The following SMOC1 variants were observed in gnomAD, a reference collection of about 807,000 sequenced individuals.
SMOC1 encodes the protein SPARC-related modular calcium-binding protein 1.
In SMOC1, 22 loss-of-function variants were observed where a neutral mutation model predicts 56.3. That is an observed-to-expected ratio of 0.39 (90% CI 0.28 to 0.56). SMOC1 has a LOEUF of 0.56. SMOC1 is among the 20% of genes least tolerant of loss of function. The pLI is 0.61. For synonymous variants in SMOC1, 193 were observed against 215.0 expected (o/e 0.90, Z 0.89); for missense variants, 509 against 565.4 (o/e 0.90, Z 1.01).
At chr14:70,008,010 A>G (rs1192297590) in intron 7 of SMOC1, among the ~76,000 whole-genome samples, 2 of 152,226 alleles carry the variant, frequency 1.3e-5, no homozygotes, top group Non-Finnish European at 1.5e-5. Context: ...GTAGTAAATC[A>G]ATAATAAAAA....
intron 1 of SMOC1, among the ~76,000 whole-genome samples, chr14:69,896,313 C>T (rs565833661): frequency 9.9e-5 from 15 of 152,166 alleles, no homozygotes; most frequent in African/African-American, 3.6e-4. Context: ...TCAAAGAGAC[C>T]TGAGATTAGG....
At chr14:70,000,466 A>T (rs531886622) in intron 7 of SMOC1, among the ~76,000 whole-genome samples, 1 of 152,374 alleles carries the variant, frequency 6.6e-6, no homozygotes, top group South Asian at 2.1e-4. Context: ...TGTCATTGCA[A>T]AGATACTGTG....
At chr14:69,940,245 C>G (rs546796443) in intron 1 of SMOC1, among the ~76,000 whole-genome samples, 2 of 152,290 alleles carry the variant, frequency 1.3e-5, no homozygotes, top group Non-Finnish European at 2.9e-5. Flanking sequence ...CCCTCAGTCC[C>G]CTAGTGGTAA....
intron 5 of SMOC1, among the ~76,000 whole-genome samples, chr14:69,982,962 C>T (rs1884233246): frequency 6.6e-6 from 1 of 152,224 alleles, no homozygotes; most frequent in African/African-American, 2.4e-5. Context: ...GTTCTCCGAG[C>T]CGCCTCCACC....
At chr14:69,891,370 A>G (rs1411753775) in intron 1 of SMOC1, among the ~76,000 whole-genome samples, 2 of 152,246 alleles carry the variant, frequency 1.3e-5, no homozygotes, top group Non-Finnish European at 2.9e-5. Flanking sequence ...ATTAAGGAAT[A>G]CATTATACAT....
intron 5 of SMOC1, among the ~76,000 whole-genome samples, chr14:69,980,410 C>G (rs750219609): frequency 6.6e-6 from 1 of 152,174 alleles, no homozygotes; most frequent in Non-Finnish European, 1.5e-5. Flanking sequence ...TCATTCTCCC[C>G]TGGAGTCTTA....
intron 1 of SMOC1, among the ~76,000 whole-genome samples, chr14:69,929,030 G>T (rs1885092288): frequency 6.6e-6 from 1 of 152,306 alleles, no homozygotes; most frequent in Non-Finnish European, 1.5e-5. Context: ...CCTCAGGAAG[G>T]TCTCTTCCAG....
chr14:69,950,126 G>A (rs1882938951), intron 1 of SMOC1, among the ~76,000 whole-genome samples: 1 of 152,226 alleles, frequency 6.6e-6, no homozygotes, highest in Non-Finnish European at 1.5e-5. Context: ...GAGTGCGTGG[G>A]AGCCCAAGGT....
chr14:69,952,297 T>A lies in SMOC1; in HGVS notation c.259T>A (p.Cys87Ser). The change falls in exon 2 of 12, where the codon TGC becomes AGC. Residue 87 changes from cysteine to serine, a missense_variant. Physicochemically the swap from Cys to Ser is moderately radical, Grantham distance 112. This residue lies in a region of SMOC1 where 315 missense variants were observed against 333.1 expected (regional missense o/e 0.95). Transcript: ENST00000361956. ...CCTGGGCGTGGTGCATCGAGGTAGA[T>A]GCAAAGGTGAGTGTGTGCACCCCTG... ...PTLGVVHRGR[C>S]KDAGQSKCRL... 1 of 1,614,098 alleles carries A rather than the reference T, an allele frequency of 6.2e-7. No homozygotes were observed.
intron 1 of SMOC1, among the ~76,000 whole-genome samples, chr14:69,947,776 A>G (rs907037576): frequency 1.3e-5 from 2 of 152,218 alleles, no homozygotes; most frequent in African/African-American, 4.8e-5. Context: ...TTGATTTCCC[A>G]GTTGCACTAG....
chr14:70,019,632 C>T (rs1045846474), intron 10 of SMOC1, among the ~76,000 whole-genome samples: 3 of 152,110 alleles, frequency 2.0e-5, no homozygotes, highest in African/African-American at 4.8e-5. Flanking sequence ...GGGGAAGGGG[C>T]AAGGCTTTGG....
At chr14:69,886,802 G>A (rs1415443217) in intron 1 of SMOC1, among the ~76,000 whole-genome samples, 2 of 152,198 alleles carry the variant, frequency 1.3e-5, no homozygotes, top group African/African-American at 2.4e-5. Context: ...AAGTGCTACT[G>A]AAGTGTTAGG....
At chr14:69,983,982 A>T (rs1472389718) in intron 5 of SMOC1, among the ~76,000 whole-genome samples, 1 of 152,252 alleles carries the variant, frequency 6.6e-6, no homozygotes, top group Non-Finnish European at 1.5e-5. Flanking sequence ...GATTATTCTC[A>T]AGTTTCTTCG....
At chr14:69,960,598 A>G (rs1031105929) in intron 3 of SMOC1, among the ~76,000 whole-genome samples, 2 of 151,948 alleles carry the variant, frequency 1.3e-5, no homozygotes, top group East Asian at 1.9e-4. Flanking sequence ...CTTTTTTGTT[A>G]TATGCTCAAA....
intron 1 of SMOC1, among the ~76,000 whole-genome samples, chr14:69,950,750 T>A (rs1223941295): frequency 6.6e-6 from 1 of 152,240 alleles, no homozygotes; most frequent in East Asian, 1.9e-4. Flanking sequence ...ATTATTGTTC[T>A]CCAACTGTAT....
chr14:69,960,548 A>G (rs1883333806), intron 3 of SMOC1, among the ~76,000 whole-genome samples: 1 of 152,118 alleles, frequency 6.6e-6, no homozygotes, highest in South Asian at 2.1e-4. Context: ...ATAAATGGTA[A>G]ATGGTCCCCA....
chr14:69,888,506 C>G (rs553512034), intron 1 of SMOC1, among the ~76,000 whole-genome samples: 56 of 152,286 alleles, frequency 3.7e-4, no homozygotes, highest in African/African-American at 1.3e-3. Flanking sequence ...AGAGCCTTTC[C>G]CACCACCAGG....
chr14:70,016,454 A>G (rs976043951), intron 10 of SMOC1, among the ~76,000 whole-genome samples: 3 of 152,220 alleles, frequency 2.0e-5, no homozygotes, highest in African/African-American at 7.2e-5. Context: ...GACTTTAATC[A>G]AAAGACAGAC....
At chr14:70,005,527 G>A (rs1220221082) in intron 7 of SMOC1, among the ~76,000 whole-genome samples, 1 of 152,200 alleles carries the variant, frequency 6.6e-6, no homozygotes, top group African/African-American at 2.4e-5. Flanking sequence ...AATTAGTGGT[G>A]GACAGGGTTG....
Sources: allele counts gnomAD v4.1 joint callset (sites outside exome capture counted in the v4.1 genomes callset), GRCh38; gene constraint gnomAD v4.1.1; regional missense constraint gnomAD v4.1.1; transcripts MANE v1.5; gene names NCBI Gene and HGNC (gene_info 2026-07-23, HGNC 2026-07-21).